BRINP1: variants seen among roughly 807,000 people sequenced by gnomAD.
BRINP1 encodes the protein BMP/retinoic acid inducible neural specific 1, also known as BMP/retinoic acid-inducible neural-specific protein 1.
Under a neutral mutation model 72.9 loss-of-function variants are expected in BRINP1, and 17 were observed. The ratio of observed to expected loss-of-function variants is 0.23; its 90% confidence interval spans 0.16 to 0.35. The LOEUF (loss-of-function observed/expected upper bound fraction) is 0.35, where lower values mean the gene tolerates loss of function less well. BRINP1 is among the 10% of genes least tolerant of loss of function. BRINP1 has a pLI of 1.00. For synonymous variants in BRINP1, 418 were observed against 378.5 expected (o/e 1.10, Z -1.21); for missense variants, 850 against 1,001.6 (o/e 0.85, Z 2.04).
rs945890771 is a variant in BRINP1, at chr9:119,166,877, A to G, written c.*207T>C. 3.6e-6 allele frequency: 2 copies of G among 560,438 alleles called. No individual in the cohort carries two copies. Among genetic ancestry groups the G allele is most frequent in the African/African-American group, 3.8e-5 (2 of 52,776 alleles). The allele number at this position is 560,438 out of a possible 1,614,324, so 34.7% of individuals were successfully genotyped here. ...AGGCTGAGACCCTTCTTCATGACAG[A>G]GTGAGTATAGAAATAACAAACATGC... is the stretch of plus-strand genomic sequence containing the variant. On this transcript the variant is annotated 3_prime_UTR_variant, in exon 8 of 8. Transcript: ENST00000265922.
chr9:119,271,074 T>C, intron 2 of BRINP1, among the ~76,000 whole-genome samples: 1 of 152,152 alleles, frequency 6.6e-6, no homozygotes, highest in East Asian at 1.9e-4. Flanking sequence ...TCTGACCTAA[T>C]CTAGGTATTT....
Position 119,346,573 on chromosome 9 carries a change from G to T in BRINP1, c.-51+22483C>A, listed in dbSNP as rs1305717612. 2.6e-5 allele frequency among the ~76,000 whole-genome samples: 4 copies of T among 152,240 alleles called. No homozygotes were observed. The East Asian group carries it at 5.8e-4, about 22-fold the overall frequency. ...TTAGACCAGCACTTAAGAGCCATCA[G>T]CCTGCCAGAGTTGGCCAAAGGTGGA... On this transcript the variant is annotated intron_variant, in intron 1 of 7. Transcript: ENST00000265922.
In BRINP1 at chr9:119,198,556, G is replaced by A. The variant is rs573320013; in HGVS notation, c.1145+10163C>T. On this transcript the variant is annotated intron_variant, in intron 7 of 7. Transcript: ENST00000265922. ...TGATTACATTCTGTTTGATAGGCTCGTGCTTTATTTTACCCAACAGAAACA... is the reference window on the plus strand; with the variant it reads ...TGATTACATTCTGTTTGATAGGCTCATGCTTTATTTTACCCAACAGAAACA... Among the ~76,000 whole-genome samples the A allele has an allele frequency of 7.9e-4, 120 of 152,034 alleles. 1 individual carries two copies. The highest frequency in any genetic ancestry group is 2.7e-3 in the African/African-American group (113 of 41,468).
intron 2 of BRINP1, among the ~76,000 whole-genome samples, chr9:119,276,786 C>A (rs1257710440): frequency 1.3e-5 from 2 of 152,144 alleles, no homozygotes; most frequent in Non-Finnish European, 2.9e-5. Flanking sequence ...GATTTAAATT[C>A]TTTGTCTTAA....
chr9:119,266,812 G>A (rs1398833695), intron 2 of BRINP1, among the ~76,000 whole-genome samples: 3 of 152,238 alleles, frequency 2.0e-5, no homozygotes, highest in African/African-American at 7.2e-5. Context: ...CATCCATGTT[G>A]TTGCAAATGA....
chr9:119,229,408 AG>A lies in BRINP1; in HGVS notation c.685+9246del, dbSNP rs749085609. ...AAGTAAGTTAGTAATAGAGGCTCGG[AG>A]GCTGCAGTAACTTATCTGAAACCTC... On this transcript the variant is annotated intron_variant, in intron 5 of 7. Coordinates refer to ENST00000265922, the MANE Select transcript of BRINP1 (RefSeq NM_014618.3). Among the ~76,000 whole-genome samples, 8 of 152,216 alleles carry A rather than the reference AG, an allele frequency of 5.3e-5. No individual in the cohort carries two copies. The East Asian group carries it at 9.7e-4, about 18-fold the overall frequency.
intron 7 of BRINP1, among the ~76,000 whole-genome samples, chr9:119,194,882 G>A (rs984117120): frequency 2.6e-5 from 4 of 151,880 alleles, no homozygotes; most frequent in Non-Finnish European, 5.9e-5. Flanking sequence ...CCTGACCCCT[G>A]GAAACTATAA....
chr9:119,242,163 C>G lies in BRINP1; in HGVS notation c.463G>C (p.Gly155Arg). Residue 155 changes from glycine to arginine, a missense_variant, in exon 4 of 8, where the codon GGG becomes CGG. Gly to Arg is a moderately radical substitution (Grantham distance 125). Transcript: ENST00000265922. ...MDKSRLDRKS[G>R]NATQSVEALH... Reference sequence around the variant, plus strand: ...GCTTCAACACTTTGAGTGGCATTCCCTGACTTCCTGTCGAGGCGACTTTTG... The same window carrying G: ...GCTTCAACACTTTGAGTGGCATTCCGTGACTTCCTGTCGAGGCGACTTTTG... The G allele has an allele frequency of 6.2e-7, 1 of 1,614,188 alleles. No homozygotes were observed. Among genetic ancestry groups the G allele is most frequent in the South Asian group, 1.1e-5 (1 of 91,084 alleles).
Position 119,320,955 on chromosome 9 carries a change from G to T in BRINP1, c.-50-7550C>A, listed in dbSNP as rs183509603. 4.7e-3 allele frequency among the ~76,000 whole-genome samples: 707 copies of T among 152,040 alleles called. 5 individuals are homozygous for T. The highest frequency in any genetic ancestry group is 6.9e-3 in the Non-Finnish European group (470 of 67,946). ...CCATTTTGTTTTTTTTTTTGAGACG[G>T]AGTCTCGCTCTGTCGCCCAGGCTGG... On this transcript the variant is annotated intron_variant, in intron 1 of 7. Transcript: ENST00000265922.
intron 7 of BRINP1, among the ~76,000 whole-genome samples, chr9:119,183,281 T>C (rs923136329): frequency 2.6e-5 from 4 of 152,172 alleles, no homozygotes; most frequent in African/African-American, 9.7e-5. Flanking sequence ...GAGAATTCTA[T>C]ATAAACAATA....
At chr9:119,176,295 A>G (rs1829489028) in intron 7 of BRINP1, among the ~76,000 whole-genome samples, 2 of 152,162 alleles carry the variant, frequency 1.3e-5, no homozygotes, top group Admixed American at 1.3e-4. Flanking sequence ...GGTGATGGTG[A>G]TGATGACGAT....
chr9:119,308,173 T>C (rs1325987311), intron 2 of BRINP1, among the ~76,000 whole-genome samples: 1 of 152,194 alleles, frequency 6.6e-6, no homozygotes, highest in Admixed American at 6.5e-5. Context: ...TAAATGGGTG[T>C]TCTTTTTTTC....
chr9:119,173,686 CA>C (rs1220887703), intron 7 of BRINP1, among the ~76,000 whole-genome samples: 1 of 143,938 alleles, frequency 6.9e-6, no homozygotes, highest in Non-Finnish European at 1.5e-5. Flanking sequence ...ATCGCCAAGT[CA>C]ATCCTAAGCC....
chr9:119,219,278 A>C (rs2118883082), intron 5 of BRINP1, among the ~76,000 whole-genome samples: 1 of 152,290 alleles, frequency 6.6e-6, no homozygotes, highest in Admixed American at 6.5e-5. Context: ...CACATTCATT[A>C]CCTGGACCAA....
Position 119,303,301 on chromosome 9 carries a change from C to G in BRINP1, c.218+9837G>C, listed in dbSNP as rs1371247343. Among the ~76,000 whole-genome samples, 3 of 148,444 alleles carry G rather than the reference C, an allele frequency of 2.0e-5. No homozygotes were observed. The Admixed American group carries it at 2.0e-4, about 10-fold the overall frequency. The stretch of plus-strand genomic sequence containing the variant: ...CACCACACACACACAGACACACACA[C>G]ACACACACACACACACACACACAGC... On this transcript the variant is annotated intron_variant, in intron 2 of 7. Coordinates refer to ENST00000265922, the MANE Select transcript of BRINP1 (RefSeq NM_014618.3).
At chr9:119,255,358 T>A (rs576555857) in intron 2 of BRINP1, among the ~76,000 whole-genome samples, 2 of 152,218 alleles carry the variant, frequency 1.3e-5, no homozygotes, top group East Asian at 3.9e-4. Context: ...TAAAGTAAGA[T>A]CCTGGATGGA....
At chr9:119,346,542 C>A (rs1328956687) in intron 1 of BRINP1, among the ~76,000 whole-genome samples, 1 of 151,926 alleles carries the variant, frequency 6.6e-6, no homozygotes, top group African/African-American at 2.4e-5. Context: ...ATTTTGACAC[C>A]AAATTTTAGA....
rs115684384 is a variant in BRINP1 at position 119,335,080 on chromosome 9, G to A, written c.-50-21675C>T. 1.0e-2 allele frequency among the ~76,000 whole-genome samples: 1,521 copies of A among 152,206 alleles called. 26 individuals are homozygous for A. Among genetic ancestry groups the A allele is most frequent in the African/African-American group, 0.035 (1,468 of 41,510 alleles). ...ATTATAATATTCTCCCGACTGAGACGGACACAAACAGCCAGCTCAGGAGGA... is the reference window on the plus strand; with the variant it reads ...ATTATAATATTCTCCCGACTGAGACAGACACAAACAGCCAGCTCAGGAGGA... On this transcript the variant is annotated intron_variant, in intron 1 of 7. Coordinates refer to ENST00000265922, the MANE Select transcript of BRINP1 (RefSeq NM_014618.3).
At chr9:119,353,822 CTTTTTTTTTTTTTTTTTTTTTTTTT>C (rs138900910) in intron 1 of BRINP1, among the ~76,000 whole-genome samples, 1 of 30,924 alleles carries the variant, frequency 3.2e-5, no homozygotes, top group Non-Finnish European at 5.8e-5. Flanking sequence ...GTTTTGAGCA[CTTTTTTTTTTTTTTTTTTTTTTTTT>C]TTTTTTTTAC....
Sources: gnomAD v4.1 joint callset for allele counts (sites outside exome capture counted in the v4.1 genomes callset) on GRCh38, gnomAD v4.1.1 for gene constraint, MANE v1.5 for transcripts, NCBI Gene and HGNC (gene_info 2026-07-23, HGNC 2026-07-21) for gene names.